Variants in PACRG observed in about 807,000 individuals in gnomAD.
PACRG encodes the protein parkin coregulated, also known as parkin coregulated gene protein.
A neutral mutation model predicts 29.7 loss-of-function variants in PACRG; 29 were observed. The ratio of observed to expected loss-of-function variants is 0.98; its 90% confidence interval spans 0.73 to 1.33. The LOEUF (loss-of-function observed/expected upper bound fraction) is 1.33, where lower values mean the gene tolerates loss of function less well. Ranked by LOEUF, PACRG falls within the 40% of genes most tolerant of loss-of-function variation. The probability of loss-of-function intolerance (pLI) is 0.00; values close to 1 mark genes in which losing one functional copy is unlikely to be tolerated. For missense variants in PACRG, 279 were observed against 316.2 expected, an observed-to-expected ratio of 0.88 and a Z score of 0.89; for synonymous variants, 116 against 118.7, an observed-to-expected ratio of 0.98 and a Z score of 0.15.
chr6:163,259,419 G>A (rs550362294), intron 4 of PACRG, among the ~76,000 whole-genome samples: 2 of 152,210 alleles, frequency 1.3e-5, no homozygotes, highest in African/African-American at 4.8e-5. Flanking sequence ...TAGTGGTATC[G>A]TCCTGTGTCC....
intron 4 of PACRG, among the ~76,000 whole-genome samples, chr6:163,121,751 C>T (rs6939194): frequency 0.02 from 2,999 of 151,180 alleles, 102 homozygotes; most frequent in African/African-American, 0.069. Flanking sequence ...CTGCAAGCTC[C>T]GCCTCCTGGG....
chr6:162,778,685 G>T (rs1445625123), intron 1 of PACRG, among the ~76,000 whole-genome samples: 1 of 152,148 alleles, frequency 6.6e-6, no homozygotes, highest in Non-Finnish European at 1.5e-5. Context: ...CCAACAAAAA[G>T]CATTTCCTTG....
chr6:163,269,794 A>C (rs1208104240), intron 4 of PACRG, among the ~76,000 whole-genome samples: 37 of 97,064 alleles, frequency 3.8e-4, no homozygotes, highest in East Asian at 1.4e-3. Flanking sequence ...GAAAGAAAGA[A>C]AGGAAGGAAG....
intron 4 of PACRG, among the ~76,000 whole-genome samples, chr6:163,122,205 C>A (rs1440860482): frequency 1.3e-5 from 2 of 151,996 alleles, no homozygotes; most frequent in Non-Finnish European, 2.9e-5. Context: ...AAAAAATAGA[C>A]AAATTCACAA....
chr6:163,105,419 C>T (rs1305143700), intron 4 of PACRG, among the ~76,000 whole-genome samples: 1 of 152,062 alleles, frequency 6.6e-6, no homozygotes, highest in Admixed American at 6.6e-5. Context: ...GCATGTACAA[C>T]ATAAAATTGA....
intron 1 of PACRG, among the ~76,000 whole-genome samples, chr6:162,795,192 A>C (rs1482987680): frequency 6.6e-6 from 1 of 151,920 alleles, no homozygotes; most frequent in African/African-American, 2.4e-5. Flanking sequence ...GTTAGTGCAG[A>C]GTAAACTGTG....
intron 4 of PACRG, among the ~76,000 whole-genome samples, chr6:163,291,358 CT>C (rs1159674156): frequency 6.8e-6 from 1 of 147,708 alleles, no homozygotes; most frequent in Non-Finnish European, 1.5e-5. Context: ...AAGATGACCC[CT>C]CTGCCCGCCA....
intron 2 of PACRG, among the ~76,000 whole-genome samples, chr6:162,883,387 C>T (rs1794065449): frequency 6.6e-6 from 1 of 152,144 alleles, no homozygotes; most frequent in African/African-American, 2.4e-5. Flanking sequence ...ATTACAAAGA[C>T]ATATTTGCTG....
At chr6:163,231,989 A>G (rs1348386081) in intron 4 of PACRG, among the ~76,000 whole-genome samples, 1 of 152,248 alleles carries the variant, frequency 6.6e-6, no homozygotes, top group African/African-American at 2.4e-5. Context: ...TCTGCAGTAT[A>G]TGTTGAAATG....
intron 4 of PACRG, among the ~76,000 whole-genome samples, chr6:163,160,692 C>G (rs897631005): frequency 6.6e-6 from 1 of 152,094 alleles, no homozygotes; most frequent in African/African-American, 2.4e-5. Flanking sequence ...AGCTATTTTG[C>G]CCCCATAACT....
At chr6:163,310,196 C>T (rs1785355340) in intron 4 of PACRG, 1 of 152,174 alleles carries the variant, frequency 6.6e-6, no homozygotes, top group Non-Finnish European at 1.5e-5. Flanking sequence ...CACACGTTCC[C>T]CTCCTGCTTT....
At chr6:162,814,469 C>A (rs1257795090) in intron 2 of PACRG, 188 bp downstream of exon 2, 7 of 598,858 alleles carry the variant, frequency 1.2e-5, no homozygotes, top group African/African-American at 1.9e-5. Flanking sequence ...TAAATTATAG[C>A]CTGCAAAGAA....
intron 4 of PACRG, among the ~76,000 whole-genome samples, chr6:163,266,846 A>G (rs1457328635): frequency 6.6e-6 from 1 of 152,272 alleles, no homozygotes; most frequent in African/African-American, 2.4e-5. Context: ...CGTGGCCACA[A>G]GATTTGGGGA....
intron 2 of PACRG, among the ~76,000 whole-genome samples, chr6:162,933,762 G>T (rs974468118): frequency 2.6e-4 from 39 of 151,440 alleles, no homozygotes; most frequent in Non-Finnish European, 4.3e-4. Flanking sequence ...GGGTAATTTT[G>T]GGGAAAAAAA....
intron 2 of PACRG, among the ~76,000 whole-genome samples, chr6:162,966,171 A>G (rs1801004017): frequency 6.6e-6 from 1 of 152,246 alleles, no homozygotes. Context: ...GCAAGAAAAT[A>G]AAGATCTAGA....
chr6:162,810,181 C>T (rs1308753964), intron 1 of PACRG, among the ~76,000 whole-genome samples: 6 of 152,144 alleles, frequency 3.9e-5, no homozygotes, highest in Non-Finnish European at 8.8e-5. Flanking sequence ...TAATAAGGCA[C>T]TCCCTCCTCT....
In PACRG at chr6:162,814,341, C is replaced by T. The variant is rs551735698; in HGVS notation, c.291+60C>T. 2.5e-6 allele frequency: 4 copies of T among 1,581,156 alleles called. No individual in the cohort carries two copies. The African/African-American group carries it at 5.4e-5, about 21-fold the overall frequency. ...CCCGCTGAAGTGACATCTCCCAATG[C>T]CAAACACACTTGGCTGCTTAAGTAA... On this transcript the variant is annotated intron_variant, in intron 2 of 4. Transcript: ENST00000366888.
Position 162,777,259 on chromosome 6 carries a change from G to A in PACRG, c.157-36888G>A, listed in dbSNP as rs985652204. ...GTGTGACGTTGTTTTTCTCCACTTC[G>A]GGACATGCAGTTGGCCATGTGCTCA... On this transcript the variant is annotated intron_variant, in intron 1 of 4. Transcript: ENST00000366888. This position sits in a 1 kb window ranked among gnomAD's most constrained non-coding sequence, Gnocchi z 4.0. 2.0e-5 allele frequency among the ~76,000 whole-genome samples: 3 copies of A among 152,108 alleles called. No individual in the cohort carries two copies. The highest frequency in any genetic ancestry group is 4.4e-5 in the Non-Finnish European group (3 of 68,026).
intron 2 of PACRG, among the ~76,000 whole-genome samples, chr6:162,959,189 G>A (rs1800401066): frequency 6.6e-6 from 1 of 151,642 alleles, no homozygotes; most frequent in Admixed American, 6.6e-5. Context: ...AAAGCTCTGG[G>A]ATTACAGGTG....
Sources: allele counts gnomAD v4.1 joint callset (sites outside exome capture counted in the v4.1 genomes callset), GRCh38; gene constraint gnomAD v4.1.1; non-coding constraint Gnocchi (gnomAD v3.1); transcripts MANE v1.5; gene names NCBI Gene and HGNC (gene_info 2026-07-23, HGNC 2026-07-21).